The following CDH17 variants were observed in gnomAD, a reference collection of about 807,000 sequenced individuals.
CDH17 encodes cadherin 17, also known as cadherin-17.
CDH17 carries 67 observed loss-of-function variants against 86.3 expected under a neutral mutation model. The observed-to-expected ratio is 0.78, with a 90% CI of 0.64 to 0.95. CDH17 has a LOEUF of 0.95. CDH17 is among the 40% of genes least tolerant of loss of function. The pLI is 0.00. For missense variants in CDH17, 993 were observed against 1,017.6 expected (o/e 0.98, Z 0.33); for synonymous variants, 367 against 366.4 (o/e 1.00, Z -0.02).
upstream of CDH17, among the ~76,000 whole-genome samples, chr8:94,208,951 C>A (rs376137930): frequency 6.6e-6 from 1 of 152,124 alleles, no homozygotes; most frequent in East Asian, 1.9e-4. Flanking sequence ...ATCTCAAACA[C>A]AAAAGACGGA....
At chr8:94,167,530 G>T (rs1196086161) in intron 9 of CDH17, among the ~76,000 whole-genome samples, 1 of 152,224 alleles carries the variant, frequency 6.6e-6, no homozygotes. Context: ...CTCATGGGCT[G>T]CATGCAGGGA....
intron 2 of CDH17, among the ~76,000 whole-genome samples, chr8:94,191,692 G>T (rs547597021): frequency 6.6e-6 from 1 of 152,062 alleles, no homozygotes; most frequent in Admixed American, 6.6e-5. Context: ...GACCTCAGGT[G>T]ATCCACCCGC....
chr8:94,185,522 G>A lies in CDH17; in HGVS notation c.150+3665C>T, dbSNP rs184675492. Among the ~76,000 whole-genome samples the A allele has an allele frequency of 9.2e-5, 14 of 152,248 alleles. No homozygotes were observed. The East Asian group carries it at 2.5e-3, about 27-fold the overall frequency. On this transcript the variant is annotated intron_variant, in intron 3 of 17. Transcript: ENST00000027335. ...AGTTTCTAGGTCTGGATGTTTGTCC[G>A]TTGTAAAGCTTGTAAGTTGAAGATT...
At chr8:94,171,172 T>C (rs553644313) in intron 7 of CDH17, among the ~76,000 whole-genome samples, 187 bp from the exon 8 acceptor site, 4 of 152,184 alleles carry the variant, frequency 2.6e-5, no homozygotes, top group African/African-American at 9.7e-5. Context: ...CCAAGTTATA[T>C]TGCTCGAAAA....
intron 1 of CDH17, among the ~76,000 whole-genome samples, chr8:94,205,984 G>A (rs574435785): frequency 2.0e-5 from 3 of 152,228 alleles, no homozygotes; most frequent in South Asian, 2.1e-4. Flanking sequence ...CTCCTCATCC[G>A]TCACTTAAGA....
At chr8:94,204,807 G>C (rs1301862220) in intron 1 of CDH17, among the ~76,000 whole-genome samples, 1 of 152,126 alleles carries the variant, frequency 6.6e-6, no homozygotes, top group Non-Finnish European at 1.5e-5. Flanking sequence ...GGATCAGCTG[G>C]GGAGAAGAGG....
In CDH17 at chr8:94,184,171, A is replaced by G. The variant is rs563476739; in HGVS notation, c.150+5016T>C. ...AGTTTGTGGTTTCTCAAAAGTTTAA[A>G]CAGAATTAACTTTGACCCAGCAGTC... On this transcript the variant is annotated intron_variant, in intron 3 of 17. Transcript: ENST00000027335. Among the ~76,000 whole-genome samples the G allele has an allele frequency of 6.2e-4, 95 of 152,194 alleles. No homozygotes were observed. The South Asian group carries it at 0.019, about 31-fold the overall frequency.
At position 94,194,627 on chromosome 8, in the gene CDH17, T is replaced by C. The variant is rs371137495; in HGVS notation, c.51+8A>G. ...AAACAAATAGAGAAGAACACCCTCTTCTCTTACCAAATAAAGCATAAGAAG... is the reference window on the plus strand; with the variant it reads ...AAACAAATAGAGAAGAACACCCTCTCCTCTTACCAAATAAAGCATAAGAAG... On this transcript the variant is annotated splice_region_variant and intron_variant, in intron 2 of 17. Coordinates refer to ENST00000027335, the MANE Select transcript of CDH17 (RefSeq NM_004063.4). 9.5e-6 allele frequency: 15 copies of C among 1,584,140 alleles called. No individual in the cohort carries two copies. The Middle Eastern group carries it at 5.0e-4, about 53-fold the overall frequency.
chr8:94,180,368 G>A (rs1813454366), intron 3 of CDH17, among the ~76,000 whole-genome samples: 1 of 151,958 alleles, frequency 6.6e-6, no homozygotes, highest in African/African-American at 2.4e-5. Context: ...ATTATTTGAA[G>A]ACAGAATGAC....
At chr8:94,199,058 TATATATATATATATATATATA>T (rs1813844275) in intron 1 of CDH17, among the ~76,000 whole-genome samples, 1 of 23,824 alleles carries the variant, frequency 4.2e-5, no homozygotes, top group African/African-American at 1.9e-4. Context: ...TATATATATA[TATATATATATATATATATATA>T]TATATTTTTT....
intron 1 of CDH17, among the ~76,000 whole-genome samples, chr8:94,216,563 G>GTTTT (rs368207788): frequency 7.0e-6 from 1 of 142,020 alleles, no homozygotes. Flanking sequence ...CAGAGGGTTT[G>GTTTT]TTTTTTTTTT....
At chr8:94,147,722 T>C (rs546497148) in intron 14 of CDH17, among the ~76,000 whole-genome samples, 182 of 152,330 alleles carry the variant, frequency 1.2e-3, no homozygotes, top group Non-Finnish European at 2.0e-3. Context: ...TTTATTTTTA[T>C]TTTAAAAAAG....
upstream of CDH17, among the ~76,000 whole-genome samples, chr8:94,213,162 G>C (rs997657415): frequency 2.0e-5 from 3 of 152,304 alleles, no homozygotes; most frequent in African/African-American, 7.2e-5. Flanking sequence ...TTTTTGTAGA[G>C]ATAGGTTCTA....
chr8:94,190,579 G>C lies in CDH17; in HGVS notation c.52-1294C>G, dbSNP rs367609405. Among the ~76,000 whole-genome samples the C allele has an allele frequency of 1.4e-3, 216 of 152,338 alleles. 1 individual carries two copies. Among genetic ancestry groups the C allele is most frequent in the African/African-American group, 5.1e-3 (212 of 41,568 alleles). ...TGGGTCTCCCATTTGTGGAAATCAG[G>C]GGTGAAAGAGATTGAAATCAGAAGC... is the stretch of plus-strand genomic sequence containing the variant. On this transcript the variant is annotated intron_variant, in intron 2 of 17. Coordinates refer to ENST00000027335, the MANE Select transcript of CDH17 (RefSeq NM_004063.4).
chr8:94,134,024 A>G (rs1812472189), intron 15 of CDH17, among the ~76,000 whole-genome samples: 1 of 152,202 alleles, frequency 6.6e-6, no homozygotes, highest in Non-Finnish European at 1.5e-5. Flanking sequence ...TGTGTTGGAT[A>G]AGCTTTTTGA....
intron 12 of CDH17, among the ~76,000 whole-genome samples, chr8:94,154,590 G>A (rs570815402): frequency 3.5e-4 from 53 of 152,254 alleles, no homozygotes; most frequent in African/African-American, 1.3e-3. Context: ...GGTTTAATAT[G>A]AGGCAGAATT....
chr8:94,201,315 C>G (rs949603884), intron 1 of CDH17, among the ~76,000 whole-genome samples: 3 of 152,072 alleles, frequency 2.0e-5, no homozygotes, highest in African/African-American at 7.2e-5. Context: ...GTGTCTCCCT[C>G]CCCCTCAAAA....
At position 94,130,911 on chromosome 8, in the gene CDH17, C is replaced by T. The variant is rs776017133; in HGVS notation, c.2249G>A (p.Gly750Asp). 6 of 1,610,176 alleles carry T rather than the reference C, an allele frequency of 3.7e-6. No individual in the cohort carries two copies. The highest frequency in any genetic ancestry group is 4.3e-6 in the Non-Finnish European group (5 of 1,176,444). The change falls in exon 16 of 18, where the codon GGT (glycine) becomes GAT (aspartate). Residue 750 changes from glycine (G) to aspartate (D), a missense_variant. Physicochemically the swap from Gly to Asp is moderately conservative, Grantham distance 94 (BLOSUM62 -1). Coordinates refer to ENST00000027335, the MANE Select transcript of CDH17 (RefSeq NM_004063.4). The stretch of plus-strand genomic sequence containing the variant: ...AACAATGCCTTCCAAGGGTGGCCGA[C>T]CCCCATCATTGATGCGGATCAAGAC... ...YVVLIRINDG[G>D]RPPLEGIVSL... is the part of the protein sequence containing the mutation.
chr8:94,130,600 T>C (rs555213077), intron 17 of CDH17, 26 bp downstream of exon 17: 5 of 1,478,246 alleles, frequency 3.4e-6, no homozygotes, highest in South Asian at 1.2e-5. Flanking sequence ...AGGATAAGAC[T>C]CTTTGAATTA....
Sources: allele counts gnomAD v4.1 joint callset (sites outside exome capture counted in the v4.1 genomes callset), GRCh38; gene constraint gnomAD v4.1.1; transcripts MANE v1.5; gene names NCBI Gene and HGNC (gene_info 2026-07-23, HGNC 2026-07-21).